Variants in RCN2 observed in about 807,000 individuals in gnomAD.
RCN2 encodes the protein reticulocalbin 2, also known as reticulocalbin-2.
RCN2 carries 23 observed loss-of-function variants against 37.5 expected under a neutral mutation model. The ratio of observed to expected loss-of-function variants is 0.61; its 90% CI spans 0.44 to 0.87. The LOEUF (loss-of-function observed/expected upper bound fraction) is 0.87, where lower values mean the gene tolerates loss of function less well. RCN2 is among the 40% of genes least tolerant of loss of function. The pLI is 0.00. For missense variants in RCN2, 381 were observed against 390.4 expected, an observed-to-expected ratio of 0.98 and a Z score of 0.20; for synonymous variants, 140 against 144.6, an observed-to-expected ratio of 0.97 and a Z score of 0.23.
intron 1 of RCN2, 113 bp downstream of exon 1, chr15:76,932,098 C>A: frequency 9.5e-7 from 1 of 1,056,894 alleles, no homozygotes; most frequent in Non-Finnish European, 1.2e-6. Flanking sequence ...GGCGGCCTGA[C>A]AATGGGGGCC....
chr15:76,934,464 T>C (rs34338978), intron 2 of RCN2, among the ~76,000 whole-genome samples: 58,499 of 152,170 alleles, frequency 0.38, 13,195 homozygotes, highest in Middle Eastern at 0.53. Flanking sequence ...TAAAAGTTGA[T>C]TGAAAAGTGA....
intron 2 of RCN2, among the ~76,000 whole-genome samples, chr15:76,934,933 C>A (rs1385926367): frequency 6.6e-6 from 1 of 152,182 alleles, no homozygotes; most frequent in Non-Finnish European, 1.5e-5. Flanking sequence ...CAAATACTTA[C>A]AGAGCCAGGA....
At chr15:76,933,247 T>G (rs2075232558) in intron 2 of RCN2, among the ~76,000 whole-genome samples, 2 of 152,236 alleles carry the variant, frequency 1.3e-5, no homozygotes, top group Non-Finnish European at 2.9e-5. Flanking sequence ...AAATTCAGGT[T>G]GTTATTGTGA....
rs745392983 is a variant in RCN2 at position 76,949,167 on chromosome 15, C to G, written c.899C>G (p.Ala300Gly). The change falls in exon 7 of 7, where the codon GCC becomes GGC. Residue 300 changes from alanine (A) to glycine (G), a missense_variant. Coordinates refer to ENST00000394885, the MANE Select transcript of RCN2 (RefSeq NM_002902.3). ...CCGGACTTGTTTCTCACCAGTGAAG[C>G]CACAGATTATGGCAGACAGCTCCAT... ...ENPDLFLTSE[A>G]TDYGRQLHDD... The G allele has an allele frequency of 1.2e-6, 2 of 1,613,190 alleles. No homozygotes were observed. Among genetic ancestry groups the G allele is most frequent in the Non-Finnish European group, 1.7e-6 (2 of 1,179,548 alleles).
Position 76,949,289 on chromosome 15 carries a change from TAA to T in RCN2, c.*70_*71del, listed in dbSNP as rs1269147479. The T allele has an allele frequency of 1.7e-5, 19 of 1,106,798 alleles. No homozygotes were observed. Among genetic ancestry groups the T allele is most frequent in the Admixed American group, 2.7e-5 (1 of 36,390 alleles). 68.6% of individuals were successfully genotyped at this position (1,106,798 alleles called of 1,614,324 possible). A position where few individuals can be genotyped will look rare whatever the true frequency, so the allele number is the denominator to read the frequency against. ...TTTGTTACCAGCTTTACTTTTGTGATAAAATATTGATGTTGTATTTTACACTC... is the reference window on the plus strand; with the variant it reads ...TTTGTTACCAGCTTTACTTTTGTGATAATATTGATGTTGTATTTTACACTC... On this transcript the variant is annotated 3_prime_UTR_variant, in exon 7 of 7. Transcript: ENST00000394885.
At chr15:76,936,444 A>G (rs2075248335) in intron 3 of RCN2, among the ~76,000 whole-genome samples, 1 of 152,128 alleles carries the variant, frequency 6.6e-6, no homozygotes, top group African/African-American at 2.4e-5. Flanking sequence ...ATCAGCAGGC[A>G]TTAGGTTCTC....
At position 76,950,983 on chromosome 15, in the gene RCN2, A is replaced by T. The variant is rs2075318416; in HGVS notation, c.*1761A>T. ...CATGGTTTTCATTTTAACCTACACT[A>T]TATGTCTGGCTATAGCAGTTTTAGA... On this transcript the variant is annotated 3_prime_UTR_variant, in exon 7 of 7. Coordinates refer to ENST00000394885, the MANE Select transcript of RCN2 (RefSeq NM_002902.3). The T allele has an allele frequency of 6.6e-6, 1 of 152,178 alleles. No individual in the cohort carries two copies. The highest frequency in any genetic ancestry group is 2.4e-5 in the African/African-American group (1 of 41,434). The allele number at this position is 152,178 out of a possible 1,614,324, so 9.4% of individuals were successfully genotyped here. A position where few individuals can be genotyped will look rare whatever the true frequency, so the allele number is the denominator to read the frequency against.
rs975326592 is a variant in RCN2, at chr15:76,949,385, C to A, written c.*163C>A. On this transcript the variant is annotated 3_prime_UTR_variant, in exon 7 of 7. Transcript: ENST00000394885. ...ATTTTGGTCTTTTAGGAAAAAAAAA[C>A]AAAAATCTGATATTTATTTCAAAAT... The A allele has an allele frequency of 1.7e-5, 8 of 467,900 alleles. No homozygotes were observed. Among genetic ancestry groups the A allele is most frequent in the East Asian group, 6.8e-5 (2 of 29,254 alleles). The allele number at this position is 467,900 out of a possible 1,614,324, so 29.0% of individuals were successfully genotyped here.
At chr15:76,935,828 G>C in intron 3 of RCN2, 106 bp downstream of exon 3, 1 of 779,110 alleles carries the variant, frequency 1.3e-6, no homozygotes, top group Non-Finnish European at 2.0e-6. Flanking sequence ...GGATTGTCTT[G>C]TTCTCTAGGA....
rs572597870 is a variant in RCN2 at position 76,942,527 on chromosome 15, A to G, written c.448-1231A>G. ...TTTTTAAAAAGGGGGGTGGATGGGA[A>G]GATGGGAGAGAAAGTAGAAAAGGAT... On this transcript the variant is annotated intron_variant, in intron 3 of 6. Coordinates refer to ENST00000394885, the MANE Select transcript of RCN2 (RefSeq NM_002902.3). The G allele has an allele frequency of 4.6e-5, 7 of 152,342 alleles. No homozygotes were observed. In the South Asian group the frequency reaches 1.5e-3, roughly 32 times the overall value. The allele number at this position is 152,342 out of a possible 1,614,324, so 9.4% of individuals were successfully genotyped here. A position where few individuals can be genotyped will look rare whatever the true frequency, so the allele number is the denominator to read the frequency against.
rs60194309 is a variant in RCN2, at chr15:76,954,039, G to GTTTTTTTTTTT, written c.*4820_*4830dup. 1.5e-5 allele frequency: 2 copies of GTTTTTTTTTTT among 131,000 alleles called. No individual in the cohort carries two copies. The highest frequency in any genetic ancestry group is 3.0e-5 in the African/African-American group (1 of 33,680). The allele number at this position is 131,000 out of a possible 1,614,324, so 8.1% of individuals were successfully genotyped here. ...TCCTTACCAACACTTGCTATTTTCT[G>GTTTTTTTTTTT]TTTTTTTTTTTTTCTTTTTTTTTTT... On this transcript the variant is annotated 3_prime_UTR_variant, in exon 7 of 7. Transcript: ENST00000394885.
chr15:76,941,802 CCTTT>C, intron 3 of RCN2: 1 of 545,450 alleles, frequency 1.8e-6, no homozygotes, highest in Non-Finnish European at 3.0e-6. Context: ...TGAAAGAGAT[CCTTT>C]CTTTCCATAG....
rs1445299229 is a variant in RCN2 at position 76,949,117 on chromosome 15, C to G, written c.849C>G (p.Leu283=). Residue 283 remains leucine (L), a synonymous_variant, in exon 7 of 7, where the codon CTC becomes CTG. Transcript: ENST00000394885. ...TGGATTTGAATGGTGACAAAAAGCT[C>G]TCTGAAGAAGAGATTCTGGAAAACC... is the stretch of plus-strand genomic sequence containing the variant. The part of the protein sequence containing the change: ...DEMDLNGDKK[L]SEEEILENPD... The G allele has an allele frequency of 6.2e-7, 1 of 1,612,284 alleles. No individual in the cohort carries two copies. The highest frequency in any genetic ancestry group is 1.3e-5 in the African/African-American group (1 of 74,822).
chr15:76,954,145 A>C lies in RCN2; in HGVS notation c.*4923A>C, dbSNP rs2075338841. ...CATTTCCCTAATGGTCTGTCTCTACAGTTTTGCCTGTTCCAGAATATCATT... is the reference window on the plus strand; with the variant it reads ...CATTTCCCTAATGGTCTGTCTCTACCGTTTTGCCTGTTCCAGAATATCATT... On this transcript the variant is annotated 3_prime_UTR_variant, in exon 7 of 7. Transcript: ENST00000394885. The C allele has an allele frequency of 6.7e-6, 1 of 149,860 alleles. No individual in the cohort carries two copies. The highest frequency in any genetic ancestry group is 2.5e-5 in the African/African-American group (1 of 40,588). 9.3% of individuals were successfully genotyped at this position (149,860 alleles called of 1,614,324 possible).
rs1051421436 is a variant in RCN2, at chr15:76,931,764, C to G, written c.-78C>G. 1.8e-6 allele frequency: 2 copies of G among 1,096,532 alleles called. No individual in the cohort carries two copies. The highest frequency in any genetic ancestry group is 2.3e-4 in the Middle Eastern group (1 of 4,336). 67.9% of individuals were successfully genotyped at this position (1,096,532 alleles called of 1,614,324 possible). A position where few individuals can be genotyped will look rare whatever the true frequency, so the allele number is the denominator to read the frequency against. ...GTCGCACCGCCTCTCTGTAGCCGCC[C>G]GCGGAGCATCGCAGCCGGCCCGGGC... On this transcript the variant is annotated 5_prime_UTR_variant, in exon 1 of 7. Coordinates refer to ENST00000394885, the MANE Select transcript of RCN2 (RefSeq NM_002902.3).
In RCN2 at chr15:76,953,345, T is replaced by C. The variant is rs913195206; in HGVS notation, c.*4123T>C. On this transcript the variant is annotated 3_prime_UTR_variant, in exon 7 of 7. Transcript: ENST00000394885. Reference sequence around the variant, plus strand: ...TCACCCATATTGTTACCAGAATTTCTTTCGTCAGGCTGAACAATACTTTAT... The same window carrying C: ...TCACCCATATTGTTACCAGAATTTCCTTCGTCAGGCTGAACAATACTTTAT... The C allele has an allele frequency of 1.3e-5, 2 of 151,954 alleles. No homozygotes were observed. The allele number at this position is 151,954 out of a possible 1,614,324, so 9.4% of individuals were successfully genotyped here. A position where few individuals can be genotyped will look rare whatever the true frequency, so the allele number is the denominator to read the frequency against.
chr15:76,938,949 T>C (rs1184851840), intron 3 of RCN2: 2 of 347,886 alleles, frequency 5.7e-6, no homozygotes, highest in Non-Finnish European at 1.2e-5. Context: ...GGAGAATCAC[T>C]TGAGCCCAGA....
rs1406275893 is a variant in RCN2, at chr15:76,950,929, A to G, written c.*1707A>G. The G allele has an allele frequency of 6.6e-6, 1 of 152,188 alleles. No homozygotes were observed. The highest frequency in any genetic ancestry group is 1.5e-5 in the Non-Finnish European group (1 of 68,038). The allele number at this position is 152,188 out of a possible 1,614,324, so 9.4% of individuals were successfully genotyped here. ...GTGCTTGCAAATTGTAAGCTTCCAC[A>G]CCTTAATGACTGCTTGCTTGGGTAT... On this transcript the variant is annotated 3_prime_UTR_variant, in exon 7 of 7. Transcript: ENST00000394885.
At position 76,950,148 on chromosome 15, in the gene RCN2, G is replaced by A. The variant is rs1434338286; in HGVS notation, c.*926G>A. 6.6e-6 allele frequency: 1 copy of A among 151,696 alleles called. No individual in the cohort carries two copies. The highest frequency in any genetic ancestry group is 2.4e-5 in the African/African-American group (1 of 41,274). The allele number at this position is 151,696 out of a possible 1,614,324, so 9.4% of individuals were successfully genotyped here. On this transcript the variant is annotated 3_prime_UTR_variant, in exon 7 of 7. Transcript: ENST00000394885. ...TAGCAAATGTGGTTTTGCTCTTTGGGGCTATAAATAATCTTGAGTAACGCA... is the reference window on the plus strand; with the variant it reads ...TAGCAAATGTGGTTTTGCTCTTTGGAGCTATAAATAATCTTGAGTAACGCA...
Sources: allele counts gnomAD v4.1 joint callset (sites outside exome capture counted in the v4.1 genomes callset), GRCh38; gene constraint gnomAD v4.1.1; transcripts MANE v1.5; gene names NCBI Gene and HGNC (gene_info 2026-07-23, HGNC 2026-07-21).